Variants in MNDA observed in about 807,000 individuals in gnomAD.
MNDA encodes myeloid cell nuclear differentiation antigen, also known as epididymis secretory sperm binding protein.
In MNDA, 43 loss-of-function variants were observed where a neutral mutation model predicts 37.8. The ratio of observed to expected loss-of-function variants is 1.14; its 90% CI spans 0.89 to 1.47. The LOEUF (loss-of-function observed/expected upper bound fraction) is 1.47. MNDA is among the 40% of genes most tolerant of loss of function. The probability of loss-of-function intolerance (pLI) is 0.00; values close to 1 mark genes in which losing one functional copy is unlikely to be tolerated. For missense variants in MNDA, 536 were observed against 476.0 expected (o/e 1.13, Z -1.17); for synonymous variants, 181 against 169.0 (o/e 1.07, Z -0.55).
chr1:158,845,983 G>T lies in MNDA; in HGVS notation c.967G>T (p.Gly323Trp). ...GCAAGCATCTGGAACAATGGTGTAT[G>T]GGTTGTTTATGTTACAAAAGGTAAA... Reference protein sequence around the residue: ...YKQASGTMVYGLFMLQKKSVH... With the variant: ...YKQASGTMVYWLFMLQKKSVH... Residue 323 changes from glycine (G) to tryptophan (W), a missense_variant, in exon 5 of 7, where the codon GGG becomes TGG. Physicochemically the swap from Gly to Trp is radical, Grantham distance 184. Coordinates refer to ENST00000368141, the MANE Select transcript of MNDA (RefSeq NM_002432.3). 6.2e-7 allele frequency: 1 copy of T among 1,606,724 alleles called. No individual in the cohort carries two copies. The highest frequency in any genetic ancestry group is 1.1e-5 in the South Asian group (1 of 89,694).
Position 158,845,630 on chromosome 1 carries a change from A to G in MNDA, c.614A>G (p.Asn205Ser), listed in dbSNP as rs1046005233. 8 of 1,613,746 alleles carry G rather than the reference A, an allele frequency of 5.0e-6. No individual in the cohort carries two copies. Among genetic ancestry groups the G allele is most frequent in the Non-Finnish European group, 5.1e-6 (6 of 1,179,826 alleles). Residue 205 changes from asparagine to serine, a missense_variant, in exon 5 of 7, where the codon AAT (asparagine) becomes AGT (serine). Coordinates refer to ENST00000368141, the MANE Select transcript of MNDA (RefSeq NM_002432.3). ...QAQRQVDARRNVPQNDPVTVV... is the reference protein window; with the variant it reads ...QAQRQVDARRSVPQNDPVTVV... ...CAACGGCAGGTGGATGCAAGAAGAA[A>G]TGTTCCCCAAAACGACCCAGTGACA...
chr1:158,849,446 A>G lies in MNDA; in HGVS notation c.*209A>G, dbSNP rs1370768974. The G allele has an allele frequency of 2.1e-6, 1 of 480,120 alleles. No individual in the cohort carries two copies. The highest frequency in any genetic ancestry group is 2.0e-5 in the African/African-American group (1 of 49,252). The allele number at this position is 480,120 out of a possible 1,614,324, so 29.7% of individuals were successfully genotyped here. ...ATACTCTTCCTTTTTTTTAGATATTACATTTTGCTTTTATGACATTCACGA... is the reference window on the plus strand; with the variant it reads ...ATACTCTTCCTTTTTTTTAGATATTGCATTTTGCTTTTATGACATTCACGA... On this transcript the variant is annotated 3_prime_UTR_variant, in exon 7 of 7. Transcript: ENST00000368141.
chr1:158,844,069 C>A lies in MNDA; in HGVS notation c.517C>A (p.Pro173Thr). The change falls in exon 4 of 7, where the codon CCC becomes ACC. Residue 173 changes from proline (P) to threonine (T), a missense_variant. Physicochemically the swap from Pro to Thr is conservative, Grantham distance 38. Transcript: ENST00000368141. The part of the protein sequence containing the change: ...GASTSAAVDH[P>T]PLPQTSSSTP... The stretch of plus-strand genomic sequence containing the variant: ...CAGCACATCTGCAGCTGTGGATCAT[C>A]CCCCACTACCCCAGACCTCATCATC... 2 of 1,613,202 alleles carry A rather than the reference C, an allele frequency of 1.2e-6. No individual in the cohort carries two copies. Among genetic ancestry groups the A allele is most frequent in the Non-Finnish European group, 8.5e-7 (1 of 1,179,626 alleles).
intron 1 of MNDA, among the ~76,000 whole-genome samples, chr1:158,837,109 C>A (rs1368443461): frequency 6.6e-6 from 1 of 151,778 alleles, no homozygotes; most frequent in Non-Finnish European, 1.5e-5. Flanking sequence ...TGTTTGGCAT[C>A]CTAATTTGTG....
chr1:158,841,949 A>C (rs1430554993), intron 1 of MNDA, among the ~76,000 whole-genome samples, 185 bp from the exon 2 acceptor site: 1 of 152,254 alleles, frequency 6.6e-6, no homozygotes, highest in East Asian at 1.9e-4. Context: ...AACTTCACTG[A>C]ACCTCCTAAT....
At chr1:158,832,582 A>C (rs886883188) in intron 1 of MNDA, among the ~76,000 whole-genome samples, 1 of 151,220 alleles carries the variant, frequency 6.6e-6, no homozygotes, top group East Asian at 1.9e-4. Flanking sequence ...TACTTTATAA[A>C]GTAATAACAG....
At chr1:158,848,047 T>C (rs1659176178) in intron 6 of MNDA, 131 bp downstream of exon 6, 1 of 791,130 alleles carries the variant, frequency 1.3e-6, no homozygotes, top group African/African-American at 1.7e-5. Context: ...AACAATGCCC[T>C]TGCATTTGTA....
At chr1:158,846,065 G>T (rs1659127988) in intron 5 of MNDA, 62 bp downstream of exon 5, 3 of 1,422,374 alleles carry the variant, frequency 2.1e-6, no homozygotes, top group Non-Finnish European at 2.9e-6. Flanking sequence ...GTCTTAATTT[G>T]CCAGACTTAC....
At position 158,847,864 on chromosome 1, in the gene MNDA, G is replaced by A. The variant is rs1558058973; in HGVS notation, c.1124G>A (p.Arg375Lys). 7.4e-6 allele frequency: 12 copies of A among 1,614,014 alleles called. No individual in the cohort carries two copies. Among genetic ancestry groups the A allele is most frequent in the Non-Finnish European group, 8.5e-6 (10 of 1,179,906 alleles). ...DKLRLFCLQL[R>K]TVDRKLKLVC... is the part of the protein sequence containing the mutation. ...CTTCGACTCTTCTGCCTTCAACTGA[G>A]AACAGTTGACCGCAAGCTGAAACTG... Residue 375 changes from arginine to lysine, a missense_variant, in exon 6 of 7, where the codon AGA becomes AAA. Physicochemically the swap from Arg to Lys is conservative, Grantham distance 26 (BLOSUM62 2). Coordinates refer to ENST00000368141, the MANE Select transcript of MNDA (RefSeq NM_002432.3).
At chr1:158,843,486 C>T (rs1659071409) in intron 3 of MNDA, 71 bp downstream of exon 3, 3 of 1,426,394 alleles carry the variant, frequency 2.1e-6, no homozygotes, top group Admixed American at 5.8e-5. Flanking sequence ...TGGCTCTTTA[C>T]TAATATCTCA....
At chr1:158,842,679 C>A in intron 2 of MNDA, 1 of 292,394 alleles carries the variant, frequency 3.4e-6, no homozygotes, top group Non-Finnish European at 6.3e-6. Context: ...GTGAGTGTTT[C>A]AGTAAATCAA....
chr1:158,845,790 G>C lies in MNDA; in HGVS notation c.774G>C (p.Glu258Asp), dbSNP rs144094005. Residue 258 changes from glutamate (E) to aspartate (D), a missense_variant, in exon 5 of 7, where the codon GAG becomes GAC. Transcript: ENST00000368141. ...HVKVFDINLKEKFVRKKVITI... is the reference protein window; with the variant it reads ...HVKVFDINLKDKFVRKKVITI... ...AAGTCTTCGACATCAACTTGAAAGA[G>C]AAATTTGTAAGGAAGAAGGTCATTA... 6.2e-7 allele frequency: 1 copy of C among 1,614,056 alleles called. No homozygotes were observed. The highest frequency in any genetic ancestry group is 8.5e-7 in the Non-Finnish European group (1 of 1,179,972).
At chr1:158,833,773 T>A (rs868021407) in intron 1 of MNDA, among the ~76,000 whole-genome samples, 1 of 152,230 alleles carries the variant, frequency 6.6e-6, no homozygotes, top group African/African-American at 2.4e-5. Flanking sequence ...TTGTAATACT[T>A]TCACATTTTT....
intron 1 of MNDA, among the ~76,000 whole-genome samples, chr1:158,836,356 G>T (rs189306540): frequency 1.3e-5 from 2 of 151,926 alleles, no homozygotes; most frequent in Admixed American, 6.6e-5. Flanking sequence ...ACTTAGTCTG[G>T]ACTTTTCTTT....
chr1:158,836,174 A>G (rs796237690), intron 1 of MNDA, among the ~76,000 whole-genome samples: 2 of 152,002 alleles, frequency 1.3e-5, no homozygotes, highest in South Asian at 2.1e-4. Context: ...CATAAGGGAT[A>G]TTGTTTAGAA....
At chr1:158,839,070 G>C (rs977189069) in intron 1 of MNDA, among the ~76,000 whole-genome samples, 2 of 152,010 alleles carry the variant, frequency 1.3e-5, no homozygotes, top group Non-Finnish European at 2.9e-5. Flanking sequence ...AAGTCTGAGG[G>C]CTGTGTTTCT....
At chr1:158,836,131 T>C (rs1479912283) in intron 1 of MNDA, among the ~76,000 whole-genome samples, 1 of 137,914 alleles carries the variant, frequency 7.3e-6, no homozygotes, top group Non-Finnish European at 1.6e-5. Flanking sequence ...TTATGTTCGC[T>C]AGCATTTTGT....
In MNDA at chr1:158,849,474, C is replaced by A; in HGVS notation, c.*237C>A. 1 of 432,984 alleles carries A rather than the reference C, an allele frequency of 2.3e-6. No individual in the cohort carries two copies. The highest frequency in any genetic ancestry group is 4.2e-6 in the Non-Finnish European group (1 of 240,574). The allele number at this position is 432,984 out of a possible 1,614,324, so 26.8% of individuals were successfully genotyped here. A position where few individuals can be genotyped will look rare whatever the true frequency, so the allele number is the denominator to read the frequency against. On this transcript the variant is annotated 3_prime_UTR_variant, in exon 7 of 7. Transcript: ENST00000368141. ...TTTTGCTTTTATGACATTCACGAGGCAAAAAATAAAATATCTTTTTTTGAA... is the reference window on the plus strand; with the variant it reads ...TTTTGCTTTTATGACATTCACGAGGAAAAAAATAAAATATCTTTTTTTGAA...
In MNDA at chr1:158,844,023, G is replaced by C; in HGVS notation, c.471G>C (p.Lys157Asn). The C allele has an allele frequency of 1.9e-6, 3 of 1,613,456 alleles. No individual in the cohort carries two copies. Among genetic ancestry groups the C allele is most frequent in the Non-Finnish European group, 2.5e-6 (3 of 1,179,692 alleles). ...KRNKVSQEQS[K>N]PPGPSGASTS... ...ATAAGGTGTCCCAAGAGCAGAGTAA[G>C]CCCCCAGGTCCCTCAGGAGCCAGCA... The change falls in exon 4 of 7, where the codon AAG becomes AAC. Residue 157 changes from lysine to asparagine, a missense_variant. By Grantham distance (94) the Lys-to-Asn change is moderately conservative. Transcript: ENST00000368141.
Sources: gnomAD v4.1 joint callset for allele counts (sites outside exome capture counted in the v4.1 genomes callset) on GRCh38, gnomAD v4.1.1 for gene constraint, MANE v1.5 for transcripts, NCBI Gene and HGNC (gene_info 2026-07-23, HGNC 2026-07-21) for gene names.